ME2: variants seen among roughly 807,000 people sequenced by gnomAD.
ME2 encodes the protein NAD-dependent malic enzyme, mitochondrial.
A neutral mutation model predicts 73.7 loss-of-function variants in ME2; 60 were observed. The ratio of observed to expected loss-of-function variants is 0.81; its 90% CI spans 0.66 to 1.01. The LOEUF (loss-of-function observed/expected upper bound fraction) is 1.01. ME2 is among the 50% of genes least tolerant of loss of function. The pLI, the probability that ME2 is intolerant of heterozygous loss-of-function variation, is 0.00. For missense variants in ME2, 594 were observed against 705.5 expected (o/e 0.84, Z 1.79); for synonymous variants, 199 against 236.9 (o/e 0.84, Z 1.47).
At chr18:50,917,249 A>G in intron 5 of ME2, 98 bp from the exon 6 acceptor site, 1 of 895,332 alleles carries the variant, frequency 1.1e-6, no homozygotes, top group Non-Finnish European at 1.7e-6. Context: ...TTAAGAGCAA[A>G]GAGTAAATAT....
chr18:50,925,732 G>A, intron 11 of ME2, 24 bp from the exon 12 acceptor site: 1 of 1,610,322 alleles, frequency 6.2e-7, no homozygotes, highest in Non-Finnish European at 8.5e-7. Flanking sequence ...TGAAGTTGCT[G>A]TTTTTCCCCC....
rs970799681 is a variant in ME2, at chr18:50,917,738, G to A, written c.630+230G>A. Among the ~76,000 whole-genome samples, 13 of 151,984 alleles carry A rather than the reference G, an allele frequency of 8.6e-5. No homozygotes were observed. The South Asian group carries it at 1.9e-3, about 22-fold the overall frequency. ...TGTAATCCCAGGACATTGGAAGGCC[G>A]AGGCAGGCAGATCACCAAAAGTCAG... On this transcript the variant is annotated intron_variant, in intron 6 of 15. Coordinates refer to ENST00000321341, the MANE Select transcript of ME2 (RefSeq NM_002396.5).
At chr18:50,941,876 A>G (rs572927963) in intron 15 of ME2, among the ~76,000 whole-genome samples, 1 of 151,942 alleles carries the variant, frequency 6.6e-6, no homozygotes, top group South Asian at 2.1e-4. Context: ...TGCATATTTA[A>G]TAGGTAAAAT....
intron 3 of ME2, 66 bp from the exon 4 acceptor site, chr18:50,912,735 T>C: frequency 7.8e-7 from 1 of 1,285,626 alleles, no homozygotes; most frequent in Non-Finnish European, 1.0e-6. Flanking sequence ...GGTTTAACTT[T>C]CATAAGCCAA....
At chr18:50,925,074 G>T (rs914974927) in intron 11 of ME2, among the ~76,000 whole-genome samples, 8 of 152,098 alleles carry the variant, frequency 5.3e-5, no homozygotes, top group Admixed American at 1.3e-4. Flanking sequence ...GAATGACATG[G>T]TATTTTTCTC....
chr18:50,936,538 G>T (rs1360923549), intron 13 of ME2, among the ~76,000 whole-genome samples: 1 of 152,172 alleles, frequency 6.6e-6, no homozygotes, highest in African/African-American at 2.4e-5. Context: ...AATATATATA[G>T]AGAGAATTAA....
chr18:50,911,642 A>G (rs1018318391), intron 3 of ME2, among the ~76,000 whole-genome samples: 4 of 152,210 alleles, frequency 2.6e-5, no homozygotes, highest in East Asian at 3.9e-4. Context: ...TGGAGCGCAC[A>G]TGTATAGGAC....
At chr18:50,927,628 C>T (rs377429715) in intron 12 of ME2, among the ~76,000 whole-genome samples, 6 of 149,092 alleles carry the variant, frequency 4.0e-5, no homozygotes, top group African/African-American at 7.4e-5. Flanking sequence ...TGTGAACCCA[C>T]GAGGCGGAGC....
rs80053603 is a variant in ME2, at chr18:50,892,727, T to C, written c.-12-3082T>C. On this transcript the variant is annotated intron_variant, in intron 1 of 15. Coordinates refer to ENST00000321341, the MANE Select transcript of ME2 (RefSeq NM_002396.5). ...GATTTTCTAGGTGGCAGTTATATCA[T>C]CTGCAGCTTTAGACCTTCGTTGTAA... is the stretch of plus-strand genomic sequence containing the variant. 4.1e-3 allele frequency among the ~76,000 whole-genome samples: 617 copies of C among 152,320 alleles called. 8 individuals carry two copies. In the East Asian group the frequency reaches 0.064, roughly 16 times the overall value.
At chr18:50,883,335 T>C (rs1351419468) in intron 1 of ME2, among the ~76,000 whole-genome samples, 1 of 152,192 alleles carries the variant, frequency 6.6e-6, no homozygotes, top group Non-Finnish European at 1.5e-5. Flanking sequence ...CTGTGAACAG[T>C]CTTTCTCAGG....
chr18:50,925,976 G>A (rs1485299378), intron 12 of ME2, 78 bp downstream of exon 12: 3 of 1,005,020 alleles, frequency 3.0e-6, no homozygotes, highest in Non-Finnish European at 4.5e-6. Flanking sequence ...TTACACCATT[G>A]TTCTAATGGT....
intron 4 of ME2, among the ~76,000 whole-genome samples, chr18:50,913,456 C>T (rs984272515): frequency 6.6e-6 from 1 of 152,040 alleles, no homozygotes; most frequent in Non-Finnish European, 1.5e-5. Flanking sequence ...GCCTCAACCT[C>T]CCTAGTAGCT....
intron 15 of ME2, among the ~76,000 whole-genome samples, chr18:50,940,808 CTT>C (rs1568176189): frequency 6.6e-6 from 1 of 152,146 alleles, no homozygotes; most frequent in African/African-American, 2.4e-5. Flanking sequence ...ACTTTTTCCC[CTT>C]AATATATTGT....
intron 13 of ME2, among the ~76,000 whole-genome samples, chr18:50,936,211 G>A (rs891555865): frequency 6.6e-6 from 1 of 152,186 alleles, no homozygotes; most frequent in African/African-American, 2.4e-5. Flanking sequence ...CAGTGGTAAT[G>A]ACCTATTAAA....
At chr18:50,896,361 T>C (rs1260693134) in intron 2 of ME2, among the ~76,000 whole-genome samples, 1 of 152,188 alleles carries the variant, frequency 6.6e-6, no homozygotes, top group East Asian at 1.9e-4. Flanking sequence ...CCTCCACTTA[T>C]CTTTTTGGAC....
Position 50,948,955 on chromosome 18 carries a change from T to G in ME2, c.*1771T>G, listed in dbSNP as rs1197363967. On this transcript the variant is annotated 3_prime_UTR_variant, in exon 16 of 16. Coordinates refer to ENST00000321341, the MANE Select transcript of ME2 (RefSeq NM_002396.5). ...CCTCGGTTCAGGCGATTCTTCTGCCTTAGCCTCCCAAGTAGCTGGGATTAC... is the reference window on the plus strand; with the variant it reads ...CCTCGGTTCAGGCGATTCTTCTGCCGTAGCCTCCCAAGTAGCTGGGATTAC... The G allele has an allele frequency of 2.6e-5, 4 of 151,548 alleles. No homozygotes were observed. Among genetic ancestry groups the G allele is most frequent in the Admixed American group, 6.6e-5 (1 of 15,212 alleles). 9.4% of individuals were successfully genotyped at this position (151,548 alleles called of 1,614,324 possible).
rs771662956 is a variant in ME2, at chr18:50,918,101, AT to A, written c.631-5del. The A allele has an allele frequency of 6.5e-7, 1 of 1,539,774 alleles. No homozygotes were observed. Among genetic ancestry groups the A allele is most frequent in the Non-Finnish European group, 8.8e-7 (1 of 1,134,106 alleles). On this transcript the variant is annotated splice_region_variant and splice_polypyrimidine_tract_variant and intron_variant, in intron 6 of 15. Transcript: ENST00000321341. Reference sequence around the variant, plus strand: ...ATTATTTTATTTTTACATTTGGTTTATTTTGTAGGCACTCTTAAAAGACCCA... The same window carrying A: ...ATTATTTTATTTTTACATTTGGTTTATTTGTAGGCACTCTTAAAAGACCCA...
rs761348713 is a variant in ME2, at chr18:50,925,753, C to A, written c.1172-3C>A. On this transcript the variant is annotated splice_polypyrimidine_tract_variant and splice_region_variant and intron_variant, in intron 11 of 15. Transcript: ENST00000321341. ...TGCTGTTTTTCCCCCTTACTTATTA[C>A]AGGAGTTGCAGGTGCTGGCCGTCTT... The A allele has an allele frequency of 6.2e-7, 1 of 1,613,196 alleles. No individual in the cohort carries two copies. Among genetic ancestry groups the A allele is most frequent in the Non-Finnish European group, 8.5e-7 (1 of 1,179,502 alleles).
Position 50,929,799 on chromosome 18 carries a change from T to C in ME2, c.1315-2459T>C, listed in dbSNP as rs1045975428. 5.3e-5 allele frequency among the ~76,000 whole-genome samples: 8 copies of C among 152,162 alleles called. 1 individual carries two copies. The highest frequency in any genetic ancestry group is 5.2e-4 in the Admixed American group (8 of 15,266). ...TATTGTTCCCCAAATTAAATCTTAGTCTTCTACAATGACTCTTGGGTAAAT... is the reference window on the plus strand; with the variant it reads ...TATTGTTCCCCAAATTAAATCTTAGCCTTCTACAATGACTCTTGGGTAAAT... On this transcript the variant is annotated intron_variant, in intron 12 of 15. Transcript: ENST00000321341.
Sources: gnomAD v4.1 joint callset for allele counts (sites outside exome capture counted in the v4.1 genomes callset) on GRCh38, gnomAD v4.1.1 for gene constraint, MANE v1.5 for transcripts, NCBI Gene and HGNC (gene_info 2026-07-23, HGNC 2026-07-21) for gene names.